The following RNF144B variants were observed in gnomAD, a reference collection of about 807,000 sequenced individuals.
RNF144B encodes the protein E3 ubiquitin-protein ligase RNF144B.
A neutral mutation model predicts 40.2 loss-of-function variants in RNF144B; 25 were observed. The observed-to-expected ratio is 0.62, with a 90% CI of 0.45 to 0.87. The LOEUF is 0.87. Among genes scored for constraint, RNF144B ranks in the 40% least tolerant of loss-of-function variants. RNF144B has a pLI of 0.00. For synonymous variants in RNF144B, 145 were observed against 136.3 expected (o/e 1.06, Z -0.44); for missense variants, 365 against 373.7 (o/e 0.98, Z 0.19).
At chr6:18,449,522 A>T (rs1759160760) in intron 4 of RNF144B, among the ~76,000 whole-genome samples, 1 of 152,194 alleles carries the variant, frequency 6.6e-6, no homozygotes, top group Non-Finnish European at 1.5e-5. Context: ...AAATCCCTTT[A>T]TCTAAAGATC....
At chr6:18,437,986 A>C (rs1193049530) in intron 3 of RNF144B, among the ~76,000 whole-genome samples, 2 of 152,194 alleles carry the variant, frequency 1.3e-5, no homozygotes, top group African/African-American at 2.4e-5. Context: ...GTGGGGTACA[A>C]GACTGTCTTC....
intron 3 of RNF144B, among the ~76,000 whole-genome samples, chr6:18,435,899 C>T (rs1305741344): frequency 6.6e-6 from 1 of 151,512 alleles, no homozygotes; most frequent in Non-Finnish European, 1.5e-5. Flanking sequence ...GGAGGGATAG[C>T]ATTAGGAGAT....
At position 18,465,962 on chromosome 6, in the gene RNF144B, G is replaced by A. The variant is rs1582454212; in HGVS notation, c.*895G>A. On this transcript the variant is annotated 3_prime_UTR_variant, in exon 8 of 8. Transcript: ENST00000259939. ...CCAATAGATTTGGAATCAGGCCTAA[G>A]AGTACACATGGAGGGTAAATATTAA... The A allele has an allele frequency of 6.6e-6, 1 of 152,318 alleles. No homozygotes were observed. Among genetic ancestry groups the A allele is most frequent in the East Asian group, 1.9e-4 (1 of 5,186 alleles). 9.4% of individuals were successfully genotyped at this position (152,318 alleles called of 1,614,324 possible).
At chr6:18,426,535 T>G (rs1457247392) in intron 2 of RNF144B, among the ~76,000 whole-genome samples, 1 of 152,170 alleles carries the variant, frequency 6.6e-6, no homozygotes, top group Non-Finnish European at 1.5e-5. Context: ...GACTCACATC[T>G]TCACCCACTG....
chr6:18,465,257 A>T lies in RNF144B; in HGVS notation c.*190A>T. On this transcript the variant is annotated 3_prime_UTR_variant, in exon 8 of 8. Transcript: ENST00000259939. ...TCCTGGGTGTGAGTGTTCCTGTGTA[A>T]CAAGAACTGGGCTCAACGGTCCAGC... 1 of 607,642 alleles carries T rather than the reference A, an allele frequency of 1.6e-6. No homozygotes were observed. Among genetic ancestry groups the T allele is most frequent in the Non-Finnish European group, 2.9e-6 (1 of 342,364 alleles). The allele number at this position is 607,642 out of a possible 1,614,324, so 37.6% of individuals were successfully genotyped here.
At position 18,439,715 on chromosome 6, in the gene RNF144B, A is replaced by G; in HGVS notation, c.302A>G (p.Gln101Arg). The G allele has an allele frequency of 6.2e-7, 1 of 1,612,824 alleles. No individual in the cohort carries two copies. Reference protein sequence around the residue: ...IACLVPVDQFQLYQRLKFERE... With the variant: ...IACLVPVDQFRLYQRLKFERE... ...TGTTTGGTACCTGTGGACCAGTTTCAACTTTATCAGAGGTTAAAATTTGAA... is the reference window on the plus strand; with the variant it reads ...TGTTTGGTACCTGTGGACCAGTTTCGACTTTATCAGAGGTTAAAATTTGAA... The change falls in exon 4 of 8, where the codon CAA (glutamine) becomes CGA (arginine). Residue 101 changes from glutamine (Q) to arginine (R), a missense_variant. Gln to Arg is a conservative substitution (Grantham distance 43, BLOSUM62 1). Transcript: ENST00000259939.
intron 2 of RNF144B, among the ~76,000 whole-genome samples, chr6:18,417,970 C>T (rs1297222230): frequency 2.0e-5 from 3 of 152,108 alleles, no homozygotes; most frequent in Non-Finnish European, 2.9e-5. Flanking sequence ...TACAAATTAC[C>T]AATAAGCATG....
chr6:18,390,572 G>A (rs974713912), intron 1 of RNF144B, among the ~76,000 whole-genome samples: 6 of 152,276 alleles, frequency 3.9e-5, no homozygotes, highest in Non-Finnish European at 5.9e-5. Context: ...CACATGGCTT[G>A]GAGTATTTAT....
rs1471740948 is a variant in RNF144B, at chr6:18,434,500, T to G, written c.271-5184T>G. The stretch of plus-strand genomic sequence containing the variant: ...GGACGTTAGAGAGATTAAATCACAG[T>G]TGTGTGTAACAGTTACAGCACTCCC... On this transcript the variant is annotated intron_variant, in intron 3 of 7. Transcript: ENST00000259939. The surrounding 1 kb of genome is among the most constrained non-coding windows in gnomAD (Gnocchi z 4.1). Among the ~76,000 whole-genome samples the G allele has an allele frequency of 5.3e-5, 8 of 152,218 alleles. No homozygotes were observed. The highest frequency in any genetic ancestry group is 3.3e-4 in the Admixed American group (5 of 15,288).
chr6:18,454,105 G>T (rs1458813610), intron 4 of RNF144B, among the ~76,000 whole-genome samples: 1 of 152,158 alleles, frequency 6.6e-6, no homozygotes, highest in African/African-American at 2.4e-5. Flanking sequence ...ATAGCTGCAA[G>T]ATTGTTTTGA....
Position 18,425,101 on chromosome 6 carries a change from G to A in RNF144B, c.166-2480G>A, listed in dbSNP as rs1758519377. Among the ~76,000 whole-genome samples, 3 of 152,066 alleles carry A rather than the reference G, an allele frequency of 2.0e-5. No homozygotes were observed. The South Asian group carries it at 6.2e-4, about 32-fold the overall frequency. On this transcript the variant is annotated intron_variant, in intron 2 of 7. Transcript: ENST00000259939. This position sits in a 1 kb window ranked among gnomAD's most constrained non-coding sequence, Gnocchi z 4.2. ...AAAACCTGTGAGGTAACTATAACAG[G>A]TATTATTGTCCCTACTTTTTAAATT... is the stretch of plus-strand genomic sequence containing the variant.
rs1759353347 is a variant in RNF144B at position 18,457,344 on chromosome 6, T to G, written c.521T>G (p.Leu174Arg). 1.2e-6 allele frequency: 2 copies of G among 1,613,580 alleles called. No homozygotes were observed. Among genetic ancestry groups the G allele is most frequent in the African/African-American group, 2.7e-5 (2 of 74,916 alleles). The change falls in exon 5 of 8, where the codon CTG (leucine) becomes CGG (arginine). Residue 174 changes from leucine (L) to arginine (R), a missense_variant. Coordinates refer to ENST00000259939, the MANE Select transcript of RNF144B (RefSeq NM_182757.4). The surrounding 1 kb of genome is among the most constrained non-coding windows in gnomAD (Gnocchi z 5.1). ...VSCRDSQPIVLPTEHRALFGT... is the reference protein window; with the variant it reads ...VSCRDSQPIVRPTEHRALFGT... ...TGTAGAGACAGTCAGCCTATTGTCC[T>G]GCCAACAGAGCACCGGTAAGAAAGG...
Position 18,457,234 on chromosome 6 carries a change from A to G in RNF144B, c.411A>G (p.Pro137=). 1 of 1,614,146 alleles carries G rather than the reference A, an allele frequency of 6.2e-7. No homozygotes were observed. The highest frequency in any genetic ancestry group is 8.5e-7 in the Non-Finnish European group (1 of 1,179,988). The change falls in exon 5 of 8, where the codon CCA becomes CCG. Residue 137 remains proline (P), a synonymous_variant. Coordinates refer to ENST00000259939, the MANE Select transcript of RNF144B (RefSeq NM_182757.4). This position sits in a 1 kb window ranked among gnomAD's most constrained non-coding sequence, Gnocchi z 5.1. ...TGTGCCCTGTTGCCTCGAGTGACCCAGGACAGCCTGTGCTGGTGGAATGCC... is the reference window on the plus strand; with the variant it reads ...TGTGCCCTGTTGCCTCGAGTGACCCGGGACAGCCTGTGCTGGTGGAATGCC... The part of the protein sequence containing the change: ...QTVCPVASSD[P]GQPVLVECPS...
intron 1 of RNF144B, among the ~76,000 whole-genome samples, chr6:18,392,842 T>G (rs147645929): frequency 5.3e-5 from 8 of 152,284 alleles, no homozygotes; most frequent in African/African-American, 1.7e-4. Context: ...ACAACTTATG[T>G]GTAATATCAT....
rs530955822 is a variant in RNF144B at position 18,427,572 on chromosome 6, A to G, written c.166-9A>G. 1.2e-6 allele frequency: 2 copies of G among 1,603,348 alleles called. No individual in the cohort carries two copies. Among genetic ancestry groups the G allele is most frequent in the South Asian group, 1.1e-5 (1 of 90,190 alleles). On this transcript the variant is annotated splice_polypyrimidine_tract_variant and intron_variant, in intron 2 of 7. Transcript: ENST00000259939. ...AATGGGCAATTGTCTTTTTTTTCTTAACTTCCAGTGCCTGAAACAGTACAT... is the reference window on the plus strand; with the variant it reads ...AATGGGCAATTGTCTTTTTTTTCTTGACTTCCAGTGCCTGAAACAGTACAT...
rs1156419379 is a variant in RNF144B at position 18,446,596 on chromosome 6, T to C, written c.331+6852T>C. On this transcript the variant is annotated intron_variant, in intron 4 of 7. Coordinates refer to ENST00000259939, the MANE Select transcript of RNF144B (RefSeq NM_182757.4). The surrounding 1 kb of genome is among the most constrained non-coding windows in gnomAD (Gnocchi z 4.7). ...ATGGGAAATTGATGTACTGATGCTA[T>C]GTCTTATATTTCTGTTATGTCACTC... Among the ~76,000 whole-genome samples the C allele has an allele frequency of 6.6e-6, 1 of 152,230 alleles. No homozygotes were observed. Among genetic ancestry groups the C allele is most frequent in the Non-Finnish European group, 1.5e-5 (1 of 68,040 alleles).
At position 18,463,371 on chromosome 6, in the gene RNF144B, C is replaced by A; in HGVS notation, c.762C>A (p.Asn254Lys). 6.2e-7 allele frequency: 1 copy of A among 1,602,668 alleles called. No individual in the cohort carries two copies. The highest frequency in any genetic ancestry group is 1.1e-5 in the South Asian group (1 of 90,862). The change falls in exon 7 of 8, where the codon AAC becomes AAA. Residue 254 changes from asparagine (N) to lysine (K), a missense_variant. Transcript: ENST00000259939. The stretch of plus-strand genomic sequence containing the variant: ...ACTCAAGAGCATCAGTGATGTGGAA[C>A]CGAACACAGGTACCCTGACCTTATA... The part of the protein sequence containing the change: ...LGHSRASVMW[N>K]RTQVVGILVG...
chr6:18,407,536 C>A (rs1286426916), intron 2 of RNF144B, among the ~76,000 whole-genome samples: 6 of 152,170 alleles, frequency 3.9e-5, no homozygotes, highest in Admixed American at 3.9e-4. Context: ...CTGATAATTT[C>A]CAGGATTGGG....
rs774862207 is a variant in RNF144B, at chr6:18,399,560, A to G, written c.26A>G (p.Tyr9Cys). 15 of 1,614,130 alleles carry G rather than the reference A, an allele frequency of 9.3e-6. No homozygotes were observed. Among genetic ancestry groups the G allele is most frequent in the African/African-American group, 6.7e-5 (5 of 75,022 alleles). MGSAGRLHYLAMTAENPTP... is the reference protein window; with the variant it reads MGSAGRLHCLAMTAENPTP... ...ATGGGCTCAGCTGGTAGGCTCCACT[A>G]TCTCGCCATGACTGCTGAAAATCCC... The change falls in exon 2 of 8, where the codon TAT (tyrosine) becomes TGT (cysteine). Residue 9 changes from tyrosine to cysteine, a missense_variant. Tyr to Cys is a radical substitution (Grantham distance 194). Transcript: ENST00000259939.
Sources: allele counts gnomAD v4.1 joint callset (sites outside exome capture counted in the v4.1 genomes callset), GRCh38; gene constraint gnomAD v4.1.1; non-coding constraint Gnocchi (gnomAD v3.1); transcripts MANE v1.5; gene names NCBI Gene and HGNC (gene_info 2026-07-23, HGNC 2026-07-21).